The following LGSN variants were observed in gnomAD, a reference collection of about 807,000 sequenced individuals.
LGSN encodes lengsin.
LGSN carries 21 observed loss-of-function variants against 19.5 expected under a neutral mutation model. That is an observed-to-expected ratio of 1.07 (90% CI 0.76 to 1.55). LGSN has a LOEUF of 1.55. LGSN is among the 40% of genes most tolerant of loss of function. LGSN has a pLI of 0.00. For missense variants in LGSN, 673 were observed against 608.5 expected (o/e 1.11, Z -1.12); for synonymous variants, 257 against 215.6 (o/e 1.19, Z -1.68).
the LGSN span, among the ~76,000 whole-genome samples, chr6:63,442,964 C>T: frequency 6.6e-6 from 1 of 152,246 alleles, no homozygotes; most frequent in African/African-American, 2.4e-5. Flanking sequence ...CACTCCTCAA[C>T]CCTTGGCGAT....
At chr6:63,380,327 A>G in the LGSN span, among the ~76,000 whole-genome samples, 1 of 152,230 alleles carries the variant, frequency 6.6e-6, no homozygotes, top group African/African-American at 2.4e-5. Flanking sequence ...CTTGGCAGAC[A>G]TCTAAAAAAT....
the LGSN span, among the ~76,000 whole-genome samples, chr6:63,353,588 C>CAAAAAAAAAAAA: frequency 1.5e-4 from 11 of 74,136 alleles, no homozygotes; most frequent in Non-Finnish European, 1.8e-4. Flanking sequence ...CAGTTTGTAG[C>CAAAAAAAAAAAA]AAAAAAAAAA....
At chr6:63,366,589 C>T in the LGSN span, among the ~76,000 whole-genome samples, 1 of 152,108 alleles carries the variant, frequency 6.6e-6, no homozygotes, top group Non-Finnish European at 1.5e-5. Context: ...GAAAAAACTA[C>T]TTTAAAGTTC....
At chr6:63,447,199 T>C in the LGSN span, among the ~76,000 whole-genome samples, 6 of 152,248 alleles carry the variant, frequency 3.9e-5, no homozygotes, top group Non-Finnish European at 7.3e-5. Flanking sequence ...GCAGCCTTTC[T>C]GTTTTTATAA....
At chr6:63,319,188 G>A (rs1182638656) in intron 1 of LGSN, among the ~76,000 whole-genome samples, 4 of 152,172 alleles carry the variant, frequency 2.6e-5, no homozygotes, top group Admixed American at 1.3e-4. Context: ...GACCAGGTTT[G>A]TTCTCTATAT....
chr6:63,323,834 C>T (rs952226419), upstream of LGSN, among the ~76,000 whole-genome samples: 3 of 146,748 alleles, frequency 2.0e-5, no homozygotes, highest in African/African-American at 5.1e-5. Context: ...TGCAGTGGTG[C>T]GATCTGGGCT....
chr6:63,502,994 C>T, the LGSN span, among the ~76,000 whole-genome samples: 4 of 152,192 alleles, frequency 2.6e-5, no homozygotes, highest in Middle Eastern at 0.014. Flanking sequence ...ATACCTATCA[C>T]CTAATTTATA....
the LGSN span, among the ~76,000 whole-genome samples, chr6:63,510,571 T>C: frequency 6.6e-6 from 1 of 151,378 alleles, no homozygotes; most frequent in Admixed American, 6.6e-5. Flanking sequence ...CTCCCCACTT[T>C]CGTTCAATAT....
intron 1 of LGSN, among the ~76,000 whole-genome samples, chr6:63,319,388 G>A (rs1343972883): frequency 1.3e-5 from 2 of 152,128 alleles, no homozygotes; most frequent in African/African-American, 4.8e-5. Flanking sequence ...TGAAGGTTGG[G>A]TACACACACA....
chr6:63,364,432 A>T, the LGSN span, among the ~76,000 whole-genome samples: 1 of 152,194 alleles, frequency 6.6e-6, no homozygotes, highest in Admixed American at 6.5e-5. Context: ...CCAGATTCAT[A>T]AAGCAGGTCC....
chr6:63,547,702 G>A, the LGSN span, among the ~76,000 whole-genome samples: 3 of 148,552 alleles, frequency 2.0e-5, no homozygotes, highest in Admixed American at 6.7e-5. Context: ...CAGTAGAGAC[G>A]GGGTTTCACC....
At chr6:63,415,118 G>A in the LGSN span, among the ~76,000 whole-genome samples, 2 of 151,888 alleles carry the variant, frequency 1.3e-5, no homozygotes, top group African/African-American at 2.4e-5. Context: ...TCAGGAGTTC[G>A]AGATCAGCCT....
chr6:63,381,047 C>T, the LGSN span, among the ~76,000 whole-genome samples: 5 of 152,104 alleles, frequency 3.3e-5, no homozygotes, highest in East Asian at 5.8e-4. Flanking sequence ...ACAAAATACA[C>T]AAAAATTAGC....
chr6:63,419,812 A>T, the LGSN span, among the ~76,000 whole-genome samples: 2 of 139,154 alleles, frequency 1.4e-5, no homozygotes, highest in Non-Finnish European at 3.1e-5. Context: ...TACTTGAAAC[A>T]GGGGGGCAGA....
intron 2 of LGSN, among the ~76,000 whole-genome samples, chr6:63,294,230 G>A (rs1337487177): frequency 1.3e-5 from 2 of 152,068 alleles, no homozygotes; most frequent in East Asian, 1.9e-4. Flanking sequence ...AGCTACTCAG[G>A]AGGCTGAGGC....
intron 1 of LGSN, 148 bp from the exon 2 acceptor site, chr6:63,295,193 A>G: frequency 3.0e-6 from 2 of 663,814 alleles, no homozygotes; most frequent in Non-Finnish European, 5.1e-6. Context: ...TTCCACACTC[A>G]CCTGAATAAC....
the LGSN span, among the ~76,000 whole-genome samples, chr6:63,475,263 G>A: frequency 7.3e-6 from 1 of 137,558 alleles, no homozygotes; most frequent in Non-Finnish European, 1.5e-5. Flanking sequence ...TTGGCATGCT[G>A]TTGCAGTGAC....
At chr6:63,546,458 C>A in the LGSN span, among the ~76,000 whole-genome samples, 3 of 152,298 alleles carry the variant, frequency 2.0e-5, no homozygotes, top group African/African-American at 7.2e-5. Context: ...GTAATCCCAG[C>A]ACTTTGGGTA....
At chr6:63,385,528 T>G in the LGSN span, among the ~76,000 whole-genome samples, 6 of 152,266 alleles carry the variant, frequency 3.9e-5, no homozygotes, top group Non-Finnish European at 8.8e-5. Context: ...TAAGGCTGTT[T>G]CAGCAGTTGC....
Sources: allele counts gnomAD v4.1 joint callset (sites outside exome capture counted in the v4.1 genomes callset), GRCh38; gene constraint gnomAD v4.1.1; transcripts MANE v1.5; gene names NCBI Gene and HGNC (gene_info 2026-07-23, HGNC 2026-07-21).